The following TTC16 variants were observed in gnomAD, a reference collection of about 807,000 sequenced individuals.
TTC16 encodes tetratricopeptide repeat domain 16.
TTC16 carries 66 observed loss-of-function variants against 80.4 expected under a neutral mutation model. The observed-to-expected ratio is 0.82, with a 90% CI of 0.67 to 1.01. The LOEUF (loss-of-function observed/expected upper bound fraction) is 1.01, where lower values mean the gene tolerates loss of function less well. TTC16 is among the 50% of genes least tolerant of loss of function. The pLI, the probability that TTC16 is intolerant of heterozygous loss-of-function variation, is 0.00. For missense variants in TTC16, 1,070 were observed against 1,103.2 expected (o/e 0.97, Z 0.43); for synonymous variants, 438 against 451.3 (o/e 0.97, Z 0.37).
intron 1 of TTC16, chr9:127,716,412 G>A: frequency 3.3e-6 from 2 of 605,338 alleles, no homozygotes; most frequent in Non-Finnish European, 5.8e-6. Flanking sequence ...AGAACCTGGG[G>A]CAGAAGTCAG....
At position 127,721,124 on chromosome 9, in the gene TTC16, G is replaced by C. The variant is rs543642776; in HGVS notation, c.657+729G>C. On this transcript the variant is annotated intron_variant, in intron 6 of 13. Coordinates refer to ENST00000373289, the MANE Select transcript of TTC16 (RefSeq NM_144965.3). The stretch of plus-strand genomic sequence containing the variant: ...GGTCACAAGGAAGGAGGTGGAGGGG[G>C]TGCTGGGCACCAAGGAGAGGAGGGC... Among the ~76,000 whole-genome samples the C allele has an allele frequency of 2.0e-5, 3 of 151,774 alleles. No individual in the cohort carries two copies. In the South Asian group the frequency reaches 6.3e-4, roughly 32 times the overall value.
chr9:127,725,599 G>C (rs1360104946), intron 9 of TTC16, among the ~76,000 whole-genome samples: 1 of 140,452 alleles, frequency 7.1e-6, no homozygotes, highest in African/African-American at 2.7e-5. Flanking sequence ...TTCTCTCTCC[G>C]TTATGCTTTC....
At chr9:127,730,497 G>C in intron 13 of TTC16, 139 bp from the exon 14 acceptor site, 1 of 1,311,114 alleles carries the variant, frequency 7.6e-7, no homozygotes, top group South Asian at 1.5e-5. Context: ...CTGGGCGGGG[G>C]TGATCTGCAG....
At chr9:127,716,672 G>T in intron 1 of TTC16, 172 bp from the exon 2 acceptor site, 1 of 777,136 alleles carries the variant, frequency 1.3e-6, no homozygotes. Flanking sequence ...GGACAGGTTG[G>T]AGCGTCCCTA....
At chr9:127,716,749 C>T (rs936314680) in intron 1 of TTC16, 95 bp from the exon 2 acceptor site, 14 of 1,463,910 alleles carry the variant, frequency 9.6e-6, no homozygotes, top group Middle Eastern at 2.6e-4. Context: ...GCCTCATTTC[C>T]GCCTCTCCTC....
Position 127,724,887 on chromosome 9 carries a change from C to T in TTC16, c.1249C>T (p.Gln417Ter), listed in dbSNP as rs778111842. 17 of 1,548,098 alleles carry T rather than the reference C, an allele frequency of 1.1e-5. No homozygotes were observed. The highest frequency in any genetic ancestry group is 4.3e-6 in the Non-Finnish European group (5 of 1,150,416). The change falls in exon 9 of 14, where the codon CAG becomes TAG. Residue 417 changes from glutamine to a stop codon, truncating the protein, a stop_gained. Coordinates refer to ENST00000373289, the MANE Select transcript of TTC16 (RefSeq NM_144965.3). LOFTEE classifies it high-confidence loss of function. ...GCAGGAGAAGATGGGCTTCTGCGAG[C>T]AGAGGCGCAAGTGCGTGGGCTCCCG... Reference protein sequence around the residue: ...LLQEKMGFCEQRRKQFQKAEN... With the variant: ...LLQEKMGFCE
chr9:127,726,301 A>G lies in TTC16; in HGVS notation c.1322A>G (p.Gln441Arg), dbSNP rs759428510. The G allele has an allele frequency of 2.5e-6, 4 of 1,610,928 alleles. No individual in the cohort carries two copies. The highest frequency in any genetic ancestry group is 3.4e-6 in the Non-Finnish European group (4 of 1,178,650). ...TAIRHNPQKA[Q>R]YYLYRAKSRQ... is the part of the protein sequence containing the mutation. ...ATCCGGCACAACCCCCAGAAGGCCCAGTACTACCTGTACCGGGCCAAGAGC... is the reference window on the plus strand; with the variant it reads ...ATCCGGCACAACCCCCAGAAGGCCCGGTACTACCTGTACCGGGCCAAGAGC... The change falls in exon 10 of 14, where the codon CAG becomes CGG. Residue 441 changes from glutamine (Q) to arginine (R), a missense_variant. Coordinates refer to ENST00000373289, the MANE Select transcript of TTC16 (RefSeq NM_144965.3).
Position 127,716,179 on chromosome 9 carries a change from A to G in TTC16, c.18+16A>G. 1 of 1,613,860 alleles carries G rather than the reference A, an allele frequency of 6.2e-7. No individual in the cohort carries two copies. The highest frequency in any genetic ancestry group is 8.5e-7 in the Non-Finnish European group (1 of 1,179,998). On this transcript the variant is annotated intron_variant, in intron 1 of 13. Coordinates refer to ENST00000373289, the MANE Select transcript of TTC16 (RefSeq NM_144965.3). Reference sequence around the variant, plus strand: ...TTCGGACGAGGTGCGGGCTTGGGAGAAGACTAACGCAAAGGCAGAGGGCCA... The same window carrying G: ...TTCGGACGAGGTGCGGGCTTGGGAGGAGACTAACGCAAAGGCAGAGGGCCA...
At chr9:127,727,595 T>G in intron 12 of TTC16, 130 bp downstream of exon 12, 1 of 1,432,184 alleles carries the variant, frequency 7.0e-7, no homozygotes. Context: ...CTCAGCTGTG[T>G]GATGGGCTGG....
intron 8 of TTC16, 47 bp from the exon 9 acceptor site, chr9:127,724,709 G>A (rs748405054): frequency 2.2e-5 from 35 of 1,585,362 alleles, no homozygotes; most frequent in South Asian, 4.5e-5. Context: ...TGGGGCTCCC[G>A]GGCACTGGGA....
chr9:127,720,303 T>C lies in TTC16; in HGVS notation c.565T>C (p.Cys189Arg). The C allele has an allele frequency of 6.2e-7, 1 of 1,613,430 alleles. No individual in the cohort carries two copies. The highest frequency in any genetic ancestry group is 8.5e-7 in the Non-Finnish European group (1 of 1,179,972). The change falls in exon 6 of 14, where the codon TGC becomes CGC. Residue 189 changes from cysteine (C) to arginine (R), a missense_variant. Physicochemically the swap from Cys to Arg is radical, Grantham distance 180. Transcript: ENST00000373289. ...CLLALKQHQA[C>R]LTLITNELKQ... is the part of the protein sequence containing the mutation. ...CCTGGCCCTCAAGCAGCATCAGGCC[T>C]GCCTCACGCTCATCACCAACGAGCT...
chr9:127,726,507 G>A (rs1340653996), intron 10 of TTC16, 103 bp downstream of exon 10: 6 of 1,314,482 alleles, frequency 4.6e-6, no homozygotes, highest in Non-Finnish European at 6.1e-6. Context: ...CAATCATAAG[G>A]CCAGGCATGG....
In TTC16 at chr9:127,723,178, G is replaced by C. The variant is rs1356640179; in HGVS notation, c.717G>C (p.Gln239His). Reference sequence around the variant, plus strand: ...TGCTGTTGAATCCCAAGCACCCGCAGGCCAGGATGCTGCTCCAGAAGATGG... The same window carrying C: ...TGCTGTTGAATCCCAAGCACCCGCACGCCAGGATGCTGCTCCAGAAGATGG... ...SALLLNPKHP[Q>H]ARMLLQKMVA... The change falls in exon 7 of 14, where the codon CAG becomes CAC. Residue 239 changes from glutamine (Q) to histidine (H), a missense_variant. By Grantham distance (24) the Gln-to-His change is conservative. Transcript: ENST00000373289. The C allele has an allele frequency of 1.2e-6, 2 of 1,612,838 alleles. No homozygotes were observed. Among genetic ancestry groups the C allele is most frequent in the Non-Finnish European group, 8.5e-7 (1 of 1,180,032 alleles).
chr9:127,729,934 T>C, intron 13 of TTC16: 1 of 469,338 alleles, frequency 2.1e-6, no homozygotes, highest in Non-Finnish European at 3.9e-6. Flanking sequence ...CCACAAACCT[T>C]GTGCATGGCC....
chr9:127,726,978 GC>G lies in TTC16; in HGVS notation c.1435del (p.Leu479Ter). ...LNPKQPKLSL[L>X]MTNLFPGMSV... The stretch of plus-strand genomic sequence containing the variant: ...ACCCCCTTTCGTGGCAGCTGTCCCT[GC>G]TGATGACCAACCTCTTCCCGGGCAT... On this transcript the variant is annotated frameshift_variant, in exon 11 of 14. Transcript: ENST00000373289. LOFTEE classifies it high-confidence loss of function. 1 of 1,613,204 alleles carries G rather than the reference GC, an allele frequency of 6.2e-7. No individual in the cohort carries two copies. The highest frequency in any genetic ancestry group is 8.5e-7 in the Non-Finnish European group (1 of 1,180,016).
chr9:127,716,175 GGAGAA>G lies in TTC16; in HGVS notation c.18+15_18+19del. On this transcript the variant is annotated intron_variant, in intron 1 of 13. Transcript: ENST00000373289. ...CAGATTCGGACGAGGTGCGGGCTTG[GGAGAA>G]GACTAACGCAAAGGCAGAGGGCCAG... is the stretch of plus-strand genomic sequence containing the variant. 1 of 1,613,952 alleles carries G rather than the reference GGAGAA, an allele frequency of 6.2e-7. No homozygotes were observed. The highest frequency in any genetic ancestry group is 8.5e-7 in the Non-Finnish European group (1 of 1,180,016).
intron 13 of TTC16, 178 bp downstream of exon 13, chr9:127,729,846 G>C (rs1844255747): frequency 1.7e-6 from 1 of 604,048 alleles, no homozygotes; most frequent in Admixed American, 2.8e-5. Context: ...CCCAGGACGA[G>C]GTGAGGCTTG....
Position 127,716,158 on chromosome 9 carries a change from G to T in TTC16, c.13G>T (p.Asp5Tyr). Residue 5 changes from aspartate (D) to tyrosine (Y), a missense_variant, in exon 1 of 14, where the codon GAC (aspartate) becomes TAC (tyrosine). By Grantham distance (160) the Asp-to-Tyr change is radical (BLOSUM62 -3). Transcript: ENST00000373289. The part of the protein sequence containing the change: MTDS[D>Y]EDALKVDQGP... ...TGGAAGGGGCCTCATGACAGATTCGGACGAGGTGCGGGCTTGGGAGAAGAC... is the reference window on the plus strand; with the variant it reads ...TGGAAGGGGCCTCATGACAGATTCGTACGAGGTGCGGGCTTGGGAGAAGAC... The T allele has an allele frequency of 6.2e-7, 1 of 1,613,976 alleles. No individual in the cohort carries two copies. The highest frequency in any genetic ancestry group is 8.5e-7 in the Non-Finnish European group (1 of 1,180,000).
Position 127,727,389 on chromosome 9 carries a change from A to G in TTC16, c.1688A>G (p.Gln563Arg), listed in dbSNP as rs1298418786. ...CTGAAGGCCACCCCTGAGATTCCGC[A>G]GGTAAAACCGGGAAGCTCAGAGGGA... ...EELKATPEIP[Q>R]VKPGSSEGEA... is the part of the protein sequence containing the mutation. The change falls in exon 12 of 14, where the codon CAG (glutamine) becomes CGG (arginine). Residue 563 changes from glutamine to arginine, a missense_variant. By Grantham distance (43) the Gln-to-Arg change is conservative. Coordinates refer to ENST00000373289, the MANE Select transcript of TTC16 (RefSeq NM_144965.3). 1.2e-6 allele frequency: 2 copies of G among 1,611,468 alleles called. No individual in the cohort carries two copies. Among genetic ancestry groups the G allele is most frequent in the South Asian group, 2.2e-5 (2 of 90,806 alleles).
Sources: allele counts gnomAD v4.1 joint callset (sites outside exome capture counted in the v4.1 genomes callset), GRCh38; gene constraint gnomAD v4.1.1; transcripts MANE v1.5; gene names NCBI Gene and HGNC (gene_info 2026-07-23, HGNC 2026-07-21).